The following TBC1D12 variants were observed in gnomAD, a reference collection of about 807,000 sequenced individuals.
The protein encoded by TBC1D12 is TBC1 domain family, member 12.
TBC1D12 carries 56 observed loss-of-function variants against 86.7 expected under a neutral mutation model. The ratio of observed to expected loss-of-function variants is 0.65; its 90% CI spans 0.52 to 0.81. The LOEUF (loss-of-function observed/expected upper bound fraction) is 0.81. TBC1D12 is among the 30% of genes least tolerant of loss of function. The pLI, the probability that TBC1D12 is intolerant of heterozygous loss-of-function variation, is 0.00. For missense variants in TBC1D12, 1,023 were observed against 1,038.8 expected (o/e 0.98, Z 0.21); for synonymous variants, 421 against 411.7 (o/e 1.02, Z -0.27).
intron 2 of TBC1D12, among the ~76,000 whole-genome samples, chr10:94,468,628 A>G (rs2055858643): frequency 6.6e-6 from 1 of 152,114 alleles, no homozygotes; most frequent in African/African-American, 2.4e-5. Flanking sequence ...TCTTCTTACC[A>G]TTATATTTTA....
At chr10:94,509,974 C>A (rs1371855339) in intron 7 of TBC1D12, 117 bp from the exon 8 acceptor site, 12 of 689,984 alleles carry the variant, frequency 1.7e-5, no homozygotes, top group Non-Finnish European at 2.9e-5. Flanking sequence ...CTTATAATTT[C>A]TTGATTATTC....
At chr10:94,457,269 C>G (rs2055641803) in intron 2 of TBC1D12, among the ~76,000 whole-genome samples, 1 of 152,122 alleles carries the variant, frequency 6.6e-6, no homozygotes, top group Non-Finnish European at 1.5e-5. Flanking sequence ...TCCCCACCCC[C>G]TGACAGGCCC....
intron 2 of TBC1D12, among the ~76,000 whole-genome samples, chr10:94,455,701 A>C (rs1174761785): frequency 6.6e-6 from 1 of 152,192 alleles, no homozygotes; most frequent in Non-Finnish European, 1.5e-5. Flanking sequence ...AGGCCAAGGC[A>C]GGTGGATCAC....
chr10:94,486,013 T>A (rs1484816628), intron 3 of TBC1D12, among the ~76,000 whole-genome samples: 1 of 152,030 alleles, frequency 6.6e-6, no homozygotes, highest in Non-Finnish European at 1.5e-5. Context: ...TTTCTTAGTC[T>A]GGCTAAAGGT....
At chr10:94,493,559 T>G in intron 4 of TBC1D12, 112 bp downstream of exon 4, 1 of 865,596 alleles carries the variant, frequency 1.2e-6, no homozygotes, top group Non-Finnish European at 1.8e-6. Context: ...TTTTATTTCT[T>G]TTTTCGTTTC....
intron 2 of TBC1D12, chr10:94,447,792 A>G (rs1341532617): frequency 4.2e-6 from 2 of 470,948 alleles, no homozygotes. Flanking sequence ...GAATAGCTAC[A>G]TGGTTTGTCT....
chr10:94,508,471 C>CGA (rs2056488587), intron 7 of TBC1D12: 3 of 151,756 alleles, frequency 2.0e-5, no homozygotes, highest in African/African-American at 7.3e-5. Context: ...TTCTCTGCTT[C>CGA]AGTTTCATTG....
At chr10:94,432,864 A>T (rs1004013361) in intron 1 of TBC1D12, among the ~76,000 whole-genome samples, 23 of 151,434 alleles carry the variant, frequency 1.5e-4, no homozygotes, top group Admixed American at 1.3e-3. Context: ...CTGTTATTTG[A>T]TTTAAGAAGT....
intron 2 of TBC1D12, among the ~76,000 whole-genome samples, chr10:94,468,708 G>T (rs529908869): frequency 2.6e-5 from 4 of 151,932 alleles, no homozygotes; most frequent in South Asian, 2.1e-4. Flanking sequence ...AACTTCTTGG[G>T]TCTGTGGGTG....
intron 2 of TBC1D12, among the ~76,000 whole-genome samples, chr10:94,459,812 G>T (rs557517872): frequency 6.6e-6 from 1 of 152,212 alleles, no homozygotes; most frequent in Admixed American, 6.5e-5. Flanking sequence ...TGCCGAGCCC[G>T]CACCCACCCG....
chr10:94,466,784 A>C (rs1179532035), intron 2 of TBC1D12, among the ~76,000 whole-genome samples: 1 of 152,150 alleles, frequency 6.6e-6, no homozygotes, highest in Admixed American at 6.5e-5. Flanking sequence ...CTATTAATTA[A>C]ACTCCAGACT....
chr10:94,478,151 G>A (rs1358801791), intron 3 of TBC1D12, among the ~76,000 whole-genome samples: 2 of 152,266 alleles, frequency 1.3e-5, no homozygotes, highest in East Asian at 3.9e-4. Flanking sequence ...GCACATACCT[G>A]TAGTCCTAGC....
At chr10:94,478,960 A>G (rs2056036063) in intron 3 of TBC1D12, among the ~76,000 whole-genome samples, 1 of 152,232 alleles carries the variant, frequency 6.6e-6, no homozygotes, top group Non-Finnish European at 1.5e-5. Context: ...GTCTCAAAAA[A>G]AAAAAGTGGA....
intron 12 of TBC1D12, among the ~76,000 whole-genome samples, chr10:94,531,740 TTATTTTATG>T (rs1842427660): frequency 6.8e-6 from 1 of 146,750 alleles, no homozygotes; most frequent in Non-Finnish European, 1.5e-5. Flanking sequence ...TTATGTTATG[TTATTTTATG>T]TTATTTTATT....
At chr10:94,475,861 T>G (rs2055980429) in intron 3 of TBC1D12, among the ~76,000 whole-genome samples, 1 of 152,202 alleles carries the variant, frequency 6.6e-6, no homozygotes, top group South Asian at 2.1e-4. Context: ...GGTTCTTAGC[T>G]CTTTTTCTCC....
Position 94,467,293 on chromosome 10 carries a change from C to T in TBC1D12, c.1096-7375C>T, listed in dbSNP as rs181118325. On this transcript the variant is annotated intron_variant, in intron 2 of 12. Coordinates refer to ENST00000225235, the MANE Select transcript of TBC1D12 (RefSeq NM_015188.2). The stretch of plus-strand genomic sequence containing the variant: ...TGTTGCCCAGGCTGGAGTGCGGTGG[C>T]GCTATCTCAGCTCACTGCAACCTTT... Among the ~76,000 whole-genome samples, 33 of 152,086 alleles carry T rather than the reference C, an allele frequency of 2.2e-4. No homozygotes were observed. The East Asian group carries it at 4.5e-3, about 21-fold the overall frequency.
chr10:94,446,231 A>ACCATGTATGCTTTC (rs2055459929), intron 2 of TBC1D12, among the ~76,000 whole-genome samples: 1 of 152,190 alleles, frequency 6.6e-6, no homozygotes, highest in African/African-American at 2.4e-5. Context: ...GAGTTCCTTT[A>ACCATGTATGCTTTC]CCATGTATGC....
At position 94,522,310 on chromosome 10, in the gene TBC1D12, A is replaced by G. The variant is rs766863065; in HGVS notation, c.1891-34A>G. The G allele has an allele frequency of 4.1e-6, 5 of 1,215,084 alleles. 1 individual carries two copies. Among genetic ancestry groups the G allele is most frequent in the South Asian group, 1.5e-5 (1 of 66,672 alleles). 75.3% of individuals were successfully genotyped at this position (1,215,084 alleles called of 1,614,324 possible). A position where few individuals can be genotyped will look rare whatever the true frequency, so the allele number is the denominator to read the frequency against. On this transcript the variant is annotated intron_variant, in intron 10 of 12. Transcript: ENST00000225235. The stretch of plus-strand genomic sequence containing the variant: ...TAATTTCTTTATTTCTAGACTATAT[A>G]CTTTCATAATTTTATTGATTTTTTA...
intron 6 of TBC1D12, among the ~76,000 whole-genome samples, chr10:94,505,663 A>G (rs1332370692): frequency 1.3e-5 from 2 of 152,166 alleles, no homozygotes; most frequent in African/African-American, 2.4e-5. Context: ...AGTAAATAGA[A>G]GGGAGAAAAG....
Sources: allele counts gnomAD v4.1 joint callset (sites outside exome capture counted in the v4.1 genomes callset), GRCh38; gene constraint gnomAD v4.1.1; transcripts MANE v1.5; gene names NCBI Gene and HGNC (gene_info 2026-07-23, HGNC 2026-07-21).